Variants in CNTN6 observed in about 807,000 individuals in gnomAD.
CNTN6 encodes contactin-6.
CNTN6 carries 137 observed loss-of-function variants against 122.8 expected under a neutral mutation model. The ratio of observed to expected loss-of-function variants is 1.12; its 90% confidence interval spans 0.97 to 1.29. CNTN6 has a LOEUF of 1.29. Among genes scored for constraint, CNTN6 ranks in the 50% most tolerant of loss-of-function variants. The pLI, the probability that CNTN6 is intolerant of heterozygous loss-of-function variation, is 0.00. For synonymous variants in CNTN6, 570 were observed against 426.0 expected (o/e 1.34, Z -4.16); for missense variants, 1,634 against 1,223.4 (o/e 1.34, Z -5.01).
At chr3:1,331,325 A>T in intron 11 of CNTN6, among the ~76,000 whole-genome samples, 1 of 152,178 alleles carries the variant, frequency 6.6e-6, no homozygotes, top group African/African-American at 2.4e-5. Context: ...AAAACTTAAT[A>T]AATATCTGTG....
intron 5 of CNTN6, among the ~76,000 whole-genome samples, chr3:1,292,474 C>G (rs535876064): frequency 1.4e-4 from 21 of 152,070 alleles, no homozygotes; most frequent in East Asian, 9.7e-4. Flanking sequence ...TGGAGGGTGT[C>G]GAAAACACAG....
At chr3:1,339,646 A>G (rs1221138943) in intron 11 of CNTN6, among the ~76,000 whole-genome samples, 1 of 152,150 alleles carries the variant, frequency 6.6e-6, no homozygotes, top group Non-Finnish European at 1.5e-5. Flanking sequence ...AGTGGGAGGT[A>G]CAGGCTTATT....
chr3:1,230,092 C>G (rs1215381860), intron 4 of CNTN6, among the ~76,000 whole-genome samples: 2 of 152,164 alleles, frequency 1.3e-5, no homozygotes, highest in African/African-American at 2.4e-5. Context: ...AGTGCATGAA[C>G]TGTACCTTCA....
At chr3:1,220,524 A>AG (rs1245294195) in intron 2 of CNTN6, among the ~76,000 whole-genome samples, 163 bp from the exon 3 acceptor site, 1 of 152,140 alleles carries the variant, frequency 6.6e-6, no homozygotes, top group Non-Finnish European at 1.5e-5. Context: ...GGTTTACAAG[A>AG]GAAAAAAATT....
At chr3:1,304,829 C>CA (rs1472524277) in intron 7 of CNTN6, among the ~76,000 whole-genome samples, 1 of 151,422 alleles carries the variant, frequency 6.6e-6, no homozygotes, top group Non-Finnish European at 1.5e-5. Context: ...CCCTTATCTA[C>CA]AAAAAATACA....
At chr3:1,220,657 T>A (rs757106885) in intron 2 of CNTN6, 30 bp from the exon 3 acceptor site, 2 of 1,572,236 alleles carry the variant, frequency 1.3e-6, no homozygotes, top group African/African-American at 2.7e-5. Flanking sequence ...CCACTTTTTT[T>A]TCATGTGATT....
At chr3:1,147,251 G>A (rs957915331) in intron 1 of CNTN6, among the ~76,000 whole-genome samples, 2 of 151,806 alleles carry the variant, frequency 1.3e-5, no homozygotes, top group African/African-American at 4.8e-5. Context: ...TAGAAAAGCT[G>A]CAAAATTATA....
chr3:1,214,301 CTTTTTTTTTTT>C (rs34799447), intron 2 of CNTN6, among the ~76,000 whole-genome samples: 4 of 44,034 alleles, frequency 9.1e-5, no homozygotes, highest in Admixed American at 4.0e-4. Context: ...TGTTGGATGT[CTTTTTTTTTTT>C]TTTTTTTTTT....
intron 12 of CNTN6, among the ~76,000 whole-genome samples, chr3:1,362,504 G>A (rs1430064553): frequency 3.3e-5 from 5 of 152,040 alleles, no homozygotes; most frequent in African/African-American, 1.2e-4. Context: ...AATTGCAAGT[G>A]CTAACATTAA....
chr3:1,289,722 T>A (rs1336602200), intron 5 of CNTN6, among the ~76,000 whole-genome samples: 1 of 148,794 alleles, frequency 6.7e-6, no homozygotes, highest in African/African-American at 2.5e-5. Context: ...TGGCCCAGGC[T>A]GGAGGGCAGG....
At chr3:1,367,657 C>T (rs1708426738) in intron 12 of CNTN6, among the ~76,000 whole-genome samples, 1 of 152,136 alleles carries the variant, frequency 6.6e-6, no homozygotes, top group African/African-American at 2.4e-5. Flanking sequence ...CACACAAGTT[C>T]AGGCTTAAAG....
intron 2 of CNTN6, among the ~76,000 whole-genome samples, chr3:1,157,075 A>G (rs1230773839): frequency 1.3e-5 from 2 of 150,900 alleles, no homozygotes; most frequent in Admixed American, 1.3e-4. Context: ...GTATATATTT[A>G]TGGGGTACAT....
intron 2 of CNTN6, among the ~76,000 whole-genome samples, chr3:1,174,227 A>G (rs2093410136): frequency 6.6e-6 from 1 of 152,158 alleles, no homozygotes; most frequent in South Asian, 2.1e-4. Flanking sequence ...TTTTTCCCCT[A>G]AGAATTTCCT....
intron 6 of CNTN6, among the ~76,000 whole-genome samples, chr3:1,297,405 C>T: frequency 6.6e-6 from 1 of 152,064 alleles, no homozygotes; most frequent in East Asian, 1.9e-4. Flanking sequence ...TGGCACATAT[C>T]CCCAATTCCT....
At chr3:1,163,750 C>T (rs922373887) in intron 2 of CNTN6, among the ~76,000 whole-genome samples, 7 of 152,140 alleles carry the variant, frequency 4.6e-5, no homozygotes, top group East Asian at 1.9e-4. Flanking sequence ...TCTGTCAATG[C>T]GGTCAATCAG....
chr3:1,391,309 A>G (rs1309130622), intron 20 of CNTN6, among the ~76,000 whole-genome samples: 328 of 120,134 alleles, frequency 2.7e-3, no homozygotes, highest in African/African-American at 0.01. Context: ...AAAACCACAT[A>G]ATTATCTCAA....
intron 1 of CNTN6, among the ~76,000 whole-genome samples, chr3:1,145,003 T>C (rs902118): frequency 0.57 from 87,301 of 151,860 alleles, 25,493 homozygotes; most frequent in African/African-American, 0.67. Context: ...GGGGCTGTTT[T>C]TGGGTGTTAG....
intron 11 of CNTN6, among the ~76,000 whole-genome samples, chr3:1,337,735 A>C (rs1408046750): frequency 1.3e-5 from 2 of 152,054 alleles, no homozygotes; most frequent in Non-Finnish European, 2.9e-5. Context: ...GTTCATACTC[A>C]ACTCCTGAGA....
chr3:1,390,864 T>C (rs1415878047), intron 20 of CNTN6, among the ~76,000 whole-genome samples: 8 of 150,732 alleles, frequency 5.3e-5, no homozygotes, highest in Non-Finnish European at 1.2e-4. Flanking sequence ...AGGAAGAAGT[T>C]GAATCTCTGA....
Sources: allele counts gnomAD v4.1 joint callset (sites outside exome capture counted in the v4.1 genomes callset), GRCh38; gene constraint gnomAD v4.1.1; transcripts MANE v1.5; gene names NCBI Gene and HGNC (gene_info 2026-07-23, HGNC 2026-07-21).